Variants in GNAL observed in about 807,000 individuals in gnomAD.
GNAL encodes the protein G protein subunit alpha L, also known as guanine nucleotide-binding protein G(olf) subunit alpha.
In GNAL, 18 loss-of-function variants were observed where a neutral mutation model predicts 55.1. That is an observed-to-expected ratio of 0.33 (90% CI 0.23 to 0.48). GNAL has a LOEUF of 0.48. GNAL is among the 20% of genes least tolerant of loss of function. The pLI is 0.99. For missense variants in GNAL, 412 were observed against 614.1 expected, an observed-to-expected ratio of 0.67 and a Z score of 3.48; for synonymous variants, 253 against 237.0, an observed-to-expected ratio of 1.07 and a Z score of -0.62.
intron 6 of GNAL, 55 bp from the exon 7 acceptor site, chr18:11,864,478 A>G: frequency 1.1e-6 from 1 of 894,742 alleles, no homozygotes; most frequent in Non-Finnish European, 1.9e-6. Context: ...CCCGGGCTTT[A>G]CCTTGAAGAA....
intron 5 of GNAL, among the ~76,000 whole-genome samples, chr18:11,826,075 T>A (rs2035236079): frequency 6.6e-6 from 1 of 152,170 alleles, no homozygotes. Context: ...AACCAATCAG[T>A]GGAGCTGCAT....
At chr18:11,723,727 C>T (rs1473524320) in intron 1 of GNAL, among the ~76,000 whole-genome samples, 1 of 152,194 alleles carries the variant, frequency 6.6e-6, no homozygotes, top group Non-Finnish European at 1.5e-5. Flanking sequence ...TCTGAGTGTC[C>T]TTGGAGGTCC....
chr18:11,807,302 C>A (rs60509547), intron 4 of GNAL, among the ~76,000 whole-genome samples: 26,064 of 152,188 alleles, frequency 0.17, 2,820 homozygotes, highest in African/African-American at 0.3. Flanking sequence ...ATGGTTTCAA[C>A]GATTCACTGG....
chr18:11,816,690 T>C (rs979301499), intron 4 of GNAL, among the ~76,000 whole-genome samples: 4 of 151,908 alleles, frequency 2.6e-5, no homozygotes, highest in African/African-American at 7.3e-5. Context: ...GGTGGGCACC[T>C]GTAATCCCAG....
intron 4 of GNAL, among the ~76,000 whole-genome samples, chr18:11,800,262 G>A (rs2034489633): frequency 1.3e-5 from 2 of 152,192 alleles, no homozygotes; most frequent in Admixed American, 1.3e-4. Flanking sequence ...TAGATAGATA[G>A]ATAGGATTGA....
chr18:11,734,170 A>T (rs2032408832), intron 1 of GNAL, among the ~76,000 whole-genome samples: 1 of 145,346 alleles, frequency 6.9e-6, no homozygotes, highest in Admixed American at 6.9e-5. Context: ...TTTTTGAGAC[A>T]GCCTCGCTCT....
At chr18:11,824,493 G>A (rs111470785) in intron 4 of GNAL, among the ~76,000 whole-genome samples, 5 of 152,116 alleles carry the variant, frequency 3.3e-5, no homozygotes, top group African/African-American at 1.2e-4. Flanking sequence ...TTCGAGACCA[G>A]CCTGGTCAAC....
In GNAL at chr18:11,752,921, C is replaced by G. The variant is rs945843083; in HGVS notation, c.445C>G (p.Pro149Ala). 13 of 1,589,084 alleles carry G rather than the reference C, an allele frequency of 8.2e-6. No homozygotes were observed. The highest frequency in any genetic ancestry group is 1.0e-5 in the Non-Finnish European group (12 of 1,157,612). Residue 149 changes from proline to alanine, a missense_variant, in exon 2 of 12, where the codon CCC becomes GCC. Physicochemically the swap from Pro to Ala is conservative, Grantham distance 27. Coordinates refer to ENST00000334049, the MANE Select transcript of GNAL (RefSeq NM_182978.4). The surrounding 1 kb of genome is among the most constrained non-coding windows in gnomAD (Gnocchi z 4.5). ...GATCCTGCACGTCAATGGGTTTAAT[C>G]CCGAGTAAGAATGTTCAGTTTGCTT... Reference protein sequence around the residue: ...MRILHVNGFNPEEKKQKILDI... With the variant: ...MRILHVNGFNAEEKKQKILDI...
At chr18:11,879,772 A>G (rs1258957568) in intron 11 of GNAL, among the ~76,000 whole-genome samples, 1 of 152,186 alleles carries the variant, frequency 6.6e-6, no homozygotes, top group African/African-American at 2.4e-5. Flanking sequence ...CCCACAAACC[A>G]TGATTCGTAA....
At chr18:11,791,412 A>G (rs534455558) in intron 4 of GNAL, among the ~76,000 whole-genome samples, 1 of 152,336 alleles carries the variant, frequency 6.6e-6, no homozygotes, top group African/African-American at 2.4e-5. Context: ...GAAACCAGAG[A>G]AGCCATAAGG....
rs2034553583 is a variant in GNAL, at chr18:11,802,793, G to T, written c.625-22125G>T. ...AAAGCGGGGTAGGGACTGCCGGGTG[G>T]CAGGGAGTTGCCATTTTCTCCGGGG... is the stretch of plus-strand genomic sequence containing the variant. On this transcript the variant is annotated intron_variant, in intron 4 of 11. Coordinates refer to ENST00000334049, the MANE Select transcript of GNAL (RefSeq NM_182978.4). Among the ~76,000 whole-genome samples, 6 of 152,328 alleles carry T rather than the reference G, an allele frequency of 3.9e-5. No homozygotes were observed. In the South Asian group the frequency reaches 1.2e-3, roughly 32 times the overall value.
In GNAL at chr18:11,694,872, G is replaced by A. The variant is rs140642522; in HGVS notation, c.376+4933G>A. Among the ~76,000 whole-genome samples, 29 of 152,220 alleles carry A rather than the reference G, an allele frequency of 1.9e-4. No individual in the cohort carries two copies. In the East Asian group the frequency reaches 3.9e-3, roughly 20 times the overall value. On this transcript the variant is annotated intron_variant, in intron 1 of 11. Transcript: ENST00000334049. The stretch of plus-strand genomic sequence containing the variant: ...AGGGCTCCCTTCCTGGCTTGCAAAC[G>A]GCCACGTTCTCACAGTATCCTCACA...
intron 4 of GNAL, among the ~76,000 whole-genome samples, chr18:11,820,848 AGT>A (rs1053604431): frequency 2.6e-5 from 4 of 152,236 alleles, no homozygotes; most frequent in Admixed American, 1.3e-4. Context: ...GTGTTTCTTC[AGT>A]GTTATCTAAA....
chr18:11,743,040 G>A (rs1367148456), intron 1 of GNAL, among the ~76,000 whole-genome samples: 1 of 152,272 alleles, frequency 6.6e-6, no homozygotes, highest in Non-Finnish European at 1.5e-5. Flanking sequence ...GTGTGGACAC[G>A]AAATTGGACT....
chr18:11,710,946 G>A (rs1031698832), intron 1 of GNAL, among the ~76,000 whole-genome samples: 8 of 152,058 alleles, frequency 5.3e-5, no homozygotes, highest in African/African-American at 1.9e-4. Flanking sequence ...TGTGATCTCG[G>A]CTCACTGCAA....
At chr18:11,877,607 C>T (rs1399898616) in intron 11 of GNAL, among the ~76,000 whole-genome samples, 1 of 137,386 alleles carries the variant, frequency 7.3e-6, no homozygotes, top group Non-Finnish European at 1.6e-5. Context: ...CAAACTATTA[C>T]ATGCCAAGGC....
intron 11 of GNAL, among the ~76,000 whole-genome samples, chr18:11,879,927 G>A (rs975676411): frequency 2.6e-5 from 4 of 152,240 alleles, no homozygotes; most frequent in South Asian, 2.1e-4. Context: ...CCGCTGCACC[G>A]TCCAGTACAG....
intron 5 of GNAL, among the ~76,000 whole-genome samples, chr18:11,836,401 A>G (rs1404620958): frequency 2.0e-5 from 3 of 151,596 alleles, no homozygotes; most frequent in African/African-American, 2.4e-5. Flanking sequence ...AGCCGAGATC[A>G]CACCATTGCA....
chr18:11,737,254 A>G (rs1045460473), intron 1 of GNAL, among the ~76,000 whole-genome samples: 4 of 152,236 alleles, frequency 2.6e-5, no homozygotes, highest in South Asian at 2.1e-4. Context: ...TATATATACA[A>G]TGAGCTTACT....
Sources: allele counts gnomAD v4.1 joint callset (sites outside exome capture counted in the v4.1 genomes callset), GRCh38; gene constraint gnomAD v4.1.1; non-coding constraint Gnocchi (gnomAD v3.1); transcripts MANE v1.5; gene names NCBI Gene and HGNC (gene_info 2026-07-23, HGNC 2026-07-21).